Variants in BRINP3 observed in about 807,000 individuals in gnomAD.
The protein encoded by BRINP3 is BMP/retinoic acid-inducible neural-specific protein 3.
BRINP3 carries 19 observed loss-of-function variants against 71.0 expected under a neutral mutation model. That is an observed-to-expected ratio of 0.27 (90% CI 0.19 to 0.39). BRINP3 has a LOEUF of 0.39. Among genes scored for constraint, BRINP3 ranks in the 10% least tolerant of loss-of-function variants. BRINP3 has a pLI of 1.00. For synonymous variants in BRINP3, 380 were observed against 337.7 expected (o/e 1.13, Z -1.37); for missense variants, 959 against 940.8 (o/e 1.02, Z -0.25).
intron 2 of BRINP3, among the ~76,000 whole-genome samples, chr1:190,410,648 A>T (rs906671143): frequency 6.6e-6 from 1 of 152,136 alleles, no homozygotes; most frequent in African/African-American, 2.4e-5. Context: ...ATAAGAAAAG[A>T]AGACTAAATC....
At chr1:190,101,734 A>T (rs1219981312) in intron 7 of BRINP3, among the ~76,000 whole-genome samples, 1 of 152,170 alleles carries the variant, frequency 6.6e-6, no homozygotes, top group Non-Finnish European at 1.5e-5. Flanking sequence ...GAGCCAACTC[A>T]TCTCCCACTG....
At chr1:190,430,016 A>C (rs1673990292) in intron 2 of BRINP3, among the ~76,000 whole-genome samples, 1 of 152,150 alleles carries the variant, frequency 6.6e-6, no homozygotes, top group Non-Finnish European at 1.5e-5. Context: ...TTCTAGAAAT[A>C]TTTTATATCT....
At chr1:190,476,478 T>G (rs1677511788) in intron 1 of BRINP3, among the ~76,000 whole-genome samples, 1 of 152,030 alleles carries the variant, frequency 6.6e-6, no homozygotes, top group Non-Finnish European at 1.5e-5. Flanking sequence ...GAAGTAAAAG[T>G]AAAGATTAAA....
At chr1:190,220,921 C>A (rs1015790047) in intron 6 of BRINP3, among the ~76,000 whole-genome samples, 1 of 152,102 alleles carries the variant, frequency 6.6e-6, no homozygotes, top group Non-Finnish European at 1.5e-5. Flanking sequence ...CTCTTGTAAC[C>A]TCATATGAAG....
chr1:190,273,911 A>G (rs1662331788), intron 3 of BRINP3, among the ~76,000 whole-genome samples: 2 of 151,620 alleles, frequency 1.3e-5, no homozygotes, highest in South Asian at 4.1e-4. Context: ...CACCATCATA[A>G]ATGCAAACAT....
chr1:190,113,892 G>A (rs772040299), intron 7 of BRINP3, among the ~76,000 whole-genome samples: 1 of 152,126 alleles, frequency 6.6e-6, no homozygotes, highest in Non-Finnish European at 1.5e-5. Context: ...ACGCAAACTA[G>A]GTTTTACCAG....
chr1:190,407,485 C>T (rs1466377617), intron 2 of BRINP3, among the ~76,000 whole-genome samples: 1 of 152,116 alleles, frequency 6.6e-6, no homozygotes, highest in African/African-American at 2.4e-5. Context: ...GATACTGACA[C>T]TCCAACCTCT....
rs371829755 is a variant in BRINP3 at position 190,282,300 on chromosome 1, G to A, written c.237-550C>T. Among the ~76,000 whole-genome samples the A allele has an allele frequency of 1.1e-4, 16 of 151,070 alleles. No individual in the cohort carries two copies. In the South Asian group the frequency reaches 3.3e-3, roughly 31 times the overall value. ...CAACATATTTGGAAACCCAAATTCAGCTATTGCAATTTCTCAAGATGCAAA... is the reference window on the plus strand; with the variant it reads ...CAACATATTTGGAAACCCAAATTCAACTATTGCAATTTCTCAAGATGCAAA... On this transcript the variant is annotated intron_variant, in intron 2 of 7. Coordinates refer to ENST00000367462, the MANE Select transcript of BRINP3 (RefSeq NM_199051.3).
intron 1 of BRINP3, among the ~76,000 whole-genome samples, chr1:190,458,425 T>C (rs1676156415): frequency 6.6e-6 from 1 of 152,060 alleles, no homozygotes; most frequent in Non-Finnish European, 1.5e-5. Flanking sequence ...AAGGCAAGCA[T>C]GTAAGCTTCT....
intron 1 of BRINP3, among the ~76,000 whole-genome samples, chr1:190,466,140 T>TA (rs5779533): frequency 1.9e-5 from 1 of 52,694 alleles, no homozygotes; most frequent in East Asian, 5.4e-4. Flanking sequence ...TTTTACAAAG[T>TA]TTTTTTTTTT....
At chr1:190,146,165 T>C (rs558757298) in intron 7 of BRINP3, among the ~76,000 whole-genome samples, 2 of 152,140 alleles carry the variant, frequency 1.3e-5, no homozygotes, top group Non-Finnish European at 2.9e-5. Flanking sequence ...AACTTATCCA[T>C]GTAACCAGAA....
intron 2 of BRINP3, among the ~76,000 whole-genome samples, chr1:190,367,920 C>T (rs6691819): frequency 6.6e-6 from 1 of 152,036 alleles, no homozygotes; most frequent in Non-Finnish European, 1.5e-5. Context: ...GTCTTCTGAG[C>T]CTCCATGTCT....
At chr1:190,127,469 T>C (rs1654180424) in intron 7 of BRINP3, among the ~76,000 whole-genome samples, 2 of 151,920 alleles carry the variant, frequency 1.3e-5, no homozygotes. Flanking sequence ...AACATATAAT[T>C]AGGTTTCATC....
chr1:190,199,824 T>C (rs771277403), intron 6 of BRINP3, among the ~76,000 whole-genome samples: 3 of 151,758 alleles, frequency 2.0e-5, no homozygotes, highest in Admixed American at 6.6e-5. Context: ...TAACCATTTT[T>C]CTTTTTTCTA....
intron 7 of BRINP3, among the ~76,000 whole-genome samples, chr1:190,112,701 C>T (rs1390192059): frequency 2.0e-5 from 3 of 151,966 alleles, no homozygotes; most frequent in Admixed American, 6.6e-5. Flanking sequence ...ATATTTTATT[C>T]CTCATTTTAG....
intron 2 of BRINP3, among the ~76,000 whole-genome samples, chr1:190,298,901 T>C (rs1664457116): frequency 6.6e-6 from 1 of 152,200 alleles, no homozygotes; most frequent in African/African-American, 2.4e-5. Flanking sequence ...GACAGAGGTG[T>C]TGAAATATCC....
At chr1:190,328,721 GAAA>G (rs201118005) in intron 2 of BRINP3, among the ~76,000 whole-genome samples, 2 of 87,960 alleles carry the variant, frequency 2.3e-5, no homozygotes, top group African/African-American at 3.7e-5. Context: ...AGACAATGAA[GAAA>G]AAAAAAAAAA....
chr1:190,186,141 C>G (rs1049866021), intron 6 of BRINP3, among the ~76,000 whole-genome samples: 1 of 151,694 alleles, frequency 6.6e-6, no homozygotes. Flanking sequence ...TTTTGGAGGC[C>G]GAGACGGGTG....
chr1:190,372,786 T>C (rs1669946244), intron 2 of BRINP3, among the ~76,000 whole-genome samples: 2 of 152,162 alleles, frequency 1.3e-5, no homozygotes, highest in African/African-American at 2.4e-5. Flanking sequence ...AATTTGAGAG[T>C]ATATATTTTC....
Sources: gnomAD v4.1 joint callset for allele counts (sites outside exome capture counted in the v4.1 genomes callset) on GRCh38, gnomAD v4.1.1 for gene constraint, MANE v1.5 for transcripts, NCBI Gene and HGNC (gene_info 2026-07-23, HGNC 2026-07-21) for gene names.